Variants in CNTNAP2 observed in about 807,000 individuals in gnomAD.
CNTNAP2 encodes contactin-associated protein-like 2.
In CNTNAP2, 98 loss-of-function variants were observed where a neutral mutation model predicts 155.2. The ratio of observed to expected loss-of-function variants is 0.63; its 90% CI spans 0.54 to 0.75. The LOEUF is 0.75. Among genes scored for constraint, CNTNAP2 ranks in the 30% least tolerant of loss-of-function variants. The probability of loss-of-function intolerance (pLI) is 0.00; values close to 1 mark genes in which losing one functional copy is unlikely to be tolerated. For synonymous variants in CNTNAP2, 651 were observed against 631.2 expected (o/e 1.03, Z -0.47); for missense variants, 1,727 against 1,688.1 (o/e 1.02, Z -0.40).
intron 3 of CNTNAP2, among the ~76,000 whole-genome samples, chr7:146,898,022 T>C (rs1218414887): frequency 5.3e-5 from 8 of 151,718 alleles, no homozygotes; most frequent in Admixed American, 2.6e-4. Flanking sequence ...ATTCCAGAAA[T>C]GTGTTAAAGC....
chr7:146,336,091 C>T (rs1189747407), intron 1 of CNTNAP2, among the ~76,000 whole-genome samples: 2 of 151,040 alleles, frequency 1.3e-5, no homozygotes, highest in South Asian at 4.2e-4. Context: ...CCCAGCTACT[C>T]GGGAGGATGA....
At chr7:147,541,275 C>A (rs1799634039) in intron 11 of CNTNAP2, among the ~76,000 whole-genome samples, 1 of 152,114 alleles carries the variant, frequency 6.6e-6, no homozygotes, top group Non-Finnish European at 1.5e-5. Flanking sequence ...TCATTCTATT[C>A]CATTACTTTC....
intron 13 of CNTNAP2, among the ~76,000 whole-genome samples, chr7:147,789,486 G>A (rs575373757): frequency 6.6e-6 from 1 of 152,298 alleles, no homozygotes; most frequent in East Asian, 1.9e-4. Context: ...TGACTCCTCT[G>A]CTTTGCCCAG....
intron 1 of CNTNAP2, among the ~76,000 whole-genome samples, chr7:146,133,538 T>C (rs911224974): frequency 2.6e-5 from 4 of 152,224 alleles, no homozygotes; most frequent in African/African-American, 9.6e-5. Flanking sequence ...AGGGTTTTTA[T>C]GGTTTTAGGT....
chr7:146,694,576 C>T (rs1314816950), intron 1 of CNTNAP2, among the ~76,000 whole-genome samples: 1 of 152,108 alleles, frequency 6.6e-6, no homozygotes, highest in Non-Finnish European at 1.5e-5. Context: ...TTTGGCCATG[C>T]TGGGTCTTTT....
At chr7:147,753,428 G>A (rs1278203893) in intron 13 of CNTNAP2, among the ~76,000 whole-genome samples, 5 of 152,120 alleles carry the variant, frequency 3.3e-5, no homozygotes, top group Admixed American at 2.6e-4. Flanking sequence ...AATTGTGGAG[G>A]CATTCCCCTG....
intron 14 of CNTNAP2, among the ~76,000 whole-genome samples, chr7:147,927,058 T>G (rs1800409241): frequency 6.6e-6 from 1 of 152,228 alleles, no homozygotes; most frequent in South Asian, 2.1e-4. Context: ...TTTTAATATT[T>G]GCTACAATAT....
At chr7:146,395,112 A>G (rs1795600936) in intron 1 of CNTNAP2, among the ~76,000 whole-genome samples, 3 of 152,204 alleles carry the variant, frequency 2.0e-5, no homozygotes, top group South Asian at 4.1e-4. Context: ...ATCTATATAC[A>G]TATATACCAC....
At chr7:147,098,012 T>A (rs1013045423) in intron 4 of CNTNAP2, among the ~76,000 whole-genome samples, 1 of 152,190 alleles carries the variant, frequency 6.6e-6, no homozygotes, top group Non-Finnish European at 1.5e-5. Flanking sequence ...GTAGTGATAA[T>A]GCATCATCTG....
intron 1 of CNTNAP2, among the ~76,000 whole-genome samples, chr7:146,760,997 G>T (rs1329036255): frequency 6.6e-6 from 1 of 152,090 alleles, no homozygotes; most frequent in East Asian, 1.9e-4. Context: ...CAGATTTGTT[G>T]ATAGAAAAAT....
intron 8 of CNTNAP2, among the ~76,000 whole-genome samples, chr7:147,168,884 G>A (rs117182135): frequency 1.3e-5 from 2 of 152,028 alleles, no homozygotes; most frequent in African/African-American, 2.4e-5. Context: ...CAAAAGTATA[G>A]TCAGCATTCT....
chr7:148,068,162 C>T (rs1012618436), intron 15 of CNTNAP2, among the ~76,000 whole-genome samples: 2 of 152,258 alleles, frequency 1.3e-5, no homozygotes, highest in East Asian at 3.9e-4. Flanking sequence ...TCTGTTCACC[C>T]CCTACCCCAC....
At chr7:146,500,272 C>T (rs1442751937) in intron 1 of CNTNAP2, among the ~76,000 whole-genome samples, 1 of 152,028 alleles carries the variant, frequency 6.6e-6, no homozygotes, top group East Asian at 1.9e-4. Flanking sequence ...GCACAGAAAG[C>T]CAATTACTGA....
At chr7:147,871,755 C>T (rs1359139689) in intron 13 of CNTNAP2, among the ~76,000 whole-genome samples, 1 of 151,392 alleles carries the variant, frequency 6.6e-6, no homozygotes, top group Non-Finnish European at 1.5e-5. Flanking sequence ...GCTATCCACT[C>T]TTCTTCACTT....
At chr7:147,358,679 A>T (rs1344412376) in intron 9 of CNTNAP2, among the ~76,000 whole-genome samples, 2 of 150,974 alleles carry the variant, frequency 1.3e-5, no homozygotes, top group African/African-American at 4.9e-5. Context: ...TCTCCTAATT[A>T]AAAAAAAAGC....
chr7:147,042,484 T>C (rs941201309), intron 3 of CNTNAP2, among the ~76,000 whole-genome samples: 7 of 152,188 alleles, frequency 4.6e-5, no homozygotes, highest in African/African-American at 1.7e-4. Context: ...ACTACAAACT[T>C]GCATTTGTGT....
chr7:147,136,478 T>C (rs535580323), intron 8 of CNTNAP2, among the ~76,000 whole-genome samples: 1 of 152,088 alleles, frequency 6.6e-6, no homozygotes, highest in South Asian at 2.1e-4. Flanking sequence ...TTACTTTGCT[T>C]CTTAGTAAAA....
intron 10 of CNTNAP2, among the ~76,000 whole-genome samples, chr7:147,408,619 G>A (rs112811423): frequency 6.6e-6 from 1 of 152,254 alleles, no homozygotes; most frequent in Admixed American, 6.5e-5. Flanking sequence ...TTAGCCAGGC[G>A]TGGTGGCGGG....
At chr7:148,114,568 A>C (rs1408177928) in intron 15 of CNTNAP2, among the ~76,000 whole-genome samples, 1 of 152,208 alleles carries the variant, frequency 6.6e-6, no homozygotes, top group Non-Finnish European at 1.5e-5. Flanking sequence ...CGCTATCAGC[A>C]CTGGAAAAGG....
Sources: gnomAD v4.1 joint callset for allele counts (sites outside exome capture counted in the v4.1 genomes callset) on GRCh38, gnomAD v4.1.1 for gene constraint, MANE v1.5 for transcripts, NCBI Gene and HGNC (gene_info 2026-07-23, HGNC 2026-07-21) for gene names.